The following DCAF4 variants were observed in gnomAD, a reference collection of about 807,000 sequenced individuals.
DCAF4 encodes DDB1 and CUL4 associated factor 4.
A neutral mutation model predicts 60.9 loss-of-function variants in DCAF4; 37 were observed. The ratio of observed to expected loss-of-function variants is 0.61; its 90% CI spans 0.47 to 0.80. The LOEUF is 0.80. DCAF4 is among the 30% of genes least tolerant of loss of function. The probability of loss-of-function intolerance (pLI) is 0.00; values close to 1 mark genes in which losing one functional copy is unlikely to be tolerated. For synonymous variants in DCAF4, 243 were observed against 254.8 expected (o/e 0.95, Z 0.44); for missense variants, 577 against 650.0 (o/e 0.89, Z 1.22).
chr14:72,946,322 C>G (rs569808885), intron 7 of DCAF4, among the ~76,000 whole-genome samples: 2 of 151,986 alleles, frequency 1.3e-5, no homozygotes, highest in East Asian at 3.9e-4. Flanking sequence ...GGAAGATCAC[C>G]TGAGCCCAGG....
chr14:72,954,598 G>A (rs1892029172), intron 11 of DCAF4, 115 bp downstream of exon 11: 1 of 972,572 alleles, frequency 1.0e-6, no homozygotes, highest in Non-Finnish European at 1.6e-6. Flanking sequence ...GGGAGAAAGA[G>A]CATCAGAAAG....
intron 8 of DCAF4, among the ~76,000 whole-genome samples, chr14:72,949,648 G>T (rs929086461): frequency 6.6e-6 from 1 of 151,942 alleles, no homozygotes; most frequent in Non-Finnish European, 1.5e-5. Flanking sequence ...CCAGCTATTC[G>T]GGAAGTTGAG....
chr14:72,929,749 G>C (rs775001157), intron 1 of DCAF4: 17 of 1,033,034 alleles, frequency 1.6e-5, no homozygotes, highest in Non-Finnish European at 2.4e-5. Context: ...AAGACCTTCA[G>C]TGACTCCATG....
At chr14:72,941,592 T>G (rs754993892) in intron 4 of DCAF4, among the ~76,000 whole-genome samples, 153 bp from the exon 5 acceptor site, 3 of 149,042 alleles carry the variant, frequency 2.0e-5, no homozygotes, top group Non-Finnish European at 4.5e-5. Context: ...GAAGGGAGAC[T>G]TGGAAAGGAC....
At chr14:72,932,299 T>C (rs534144922) in intron 1 of DCAF4, among the ~76,000 whole-genome samples, 2 of 152,348 alleles carry the variant, frequency 1.3e-5, no homozygotes, top group African/African-American at 4.8e-5. Context: ...CCTTGACCTA[T>C]ATTTTTCTTC....
chr14:72,940,454 C>A (rs545969923), intron 4 of DCAF4, 77 bp downstream of exon 4: 81 of 1,454,778 alleles, frequency 5.6e-5, no homozygotes, highest in Non-Finnish European at 7.1e-5. Context: ...AAAAGGGTGC[C>A]AATTAGATGC....
In DCAF4 at chr14:72,951,814, C is replaced by T. The variant is rs767937789; in HGVS notation, c.745C>T (p.Leu249Phe). Reference protein sequence around the residue: ...DSHILLCLMGLAETPGCATLL... With the variant: ...DSHILLCLMGFAETPGCATLL... ...TTTTTCCAGGCTATGCCTCATGGGA[C>T]TCGCAGAGACTCCAGGCTGTGCCAC... is the stretch of plus-strand genomic sequence containing the variant. The change falls in exon 9 of 14, where the codon CTC becomes TTC. Residue 249 changes from leucine (L) to phenylalanine (F), a missense_variant. By Grantham distance (22) the Leu-to-Phe change is conservative. Coordinates refer to ENST00000358377, the MANE Select transcript of DCAF4 (RefSeq NM_015604.4). 5 of 1,614,034 alleles carry T rather than the reference C, an allele frequency of 3.1e-6. No individual in the cohort carries two copies. The highest frequency in any genetic ancestry group is 1.7e-5 in the Admixed American group (1 of 60,008).
intron 8 of DCAF4, 136 bp downstream of exon 8, chr14:72,947,327 G>GAAAAAA: frequency 9.7e-7 from 1 of 1,033,748 alleles, no homozygotes; most frequent in African/African-American, 1.6e-5. Context: ...TCACGCTTTA[G>GAAAAAA]AAAAAAAAGC....
chr14:72,944,853 C>T (rs1040668491), intron 6 of DCAF4, among the ~76,000 whole-genome samples: 8 of 152,074 alleles, frequency 5.3e-5, no homozygotes, highest in African/African-American at 1.9e-4. Flanking sequence ...CTTTGGGAGG[C>T]TGAGATGGGA....
At chr14:72,961,791 A>G (rs540261182), downstream of DCAF4, 527 of 1,010,498 alleles carry the variant, frequency 5.2e-4, 5 homozygotes, top group South Asian at 3.5e-3. Context: ...ACCCAGGGGA[A>G]TGGGGAAGCC....
chr14:72,941,679 CA>C, intron 4 of DCAF4, 65 bp from the exon 5 acceptor site: 1 of 1,482,470 alleles, frequency 6.7e-7, no homozygotes, highest in Non-Finnish European at 9.4e-7. Flanking sequence ...GAACTAAAAA[CA>C]TTCTCCATCA....
downstream of DCAF4, among the ~76,000 whole-genome samples, chr14:72,961,668 A>G (rs1305773727): frequency 2.0e-5 from 3 of 152,032 alleles, no homozygotes; most frequent in Admixed American, 6.6e-5. Flanking sequence ...CTGTCCCTCA[A>G]CCTCACCAGC....
chr14:72,949,447 C>A (rs1891137635), intron 8 of DCAF4, among the ~76,000 whole-genome samples: 1 of 152,002 alleles, frequency 6.6e-6, no homozygotes, highest in Non-Finnish European at 1.5e-5. Context: ...AAGAGAGAGA[C>A]CCTGTCTCTT....
At chr14:72,940,593 T>TTG in intron 4 of DCAF4, 11 of 379,494 alleles carry the variant, frequency 2.9e-5, no homozygotes, top group African/African-American at 2.2e-5. Context: ...GATAAGTTGT[T>TTG]TTTTTTTTTT....
At chr14:72,940,442 T>C in intron 4 of DCAF4, 65 bp downstream of exon 4, 1 of 1,515,158 alleles carries the variant, frequency 6.6e-7, no homozygotes, top group Non-Finnish European at 8.8e-7. Context: ...CATCCACTGT[T>C]GAAAAGGGTG....
At chr14:72,944,338 TGAGTA>T (rs2140252703) in intron 6 of DCAF4, among the ~76,000 whole-genome samples, 1 of 152,330 alleles carries the variant, frequency 6.6e-6, no homozygotes, top group East Asian at 1.9e-4. Context: ...AACTTCTTCC[TGAGTA>T]AACTTACAAC....
At chr14:72,943,535 G>A (rs529692176) in intron 6 of DCAF4, among the ~76,000 whole-genome samples, 2 of 152,190 alleles carry the variant, frequency 1.3e-5, no homozygotes, top group African/African-American at 4.8e-5. Flanking sequence ...CTTGCTTGCC[G>A]CCCCTGGCTT....
chr14:72,954,541 A>G (rs1892017244), intron 11 of DCAF4, 58 bp downstream of exon 11: 1 of 1,554,214 alleles, frequency 6.4e-7, no homozygotes, highest in Non-Finnish European at 8.8e-7. Flanking sequence ...AAATTTGGCC[A>G]GATTGAAATT....
At chr14:72,929,092 T>G (rs972029298) in intron 1 of DCAF4, among the ~76,000 whole-genome samples, 3 of 152,206 alleles carry the variant, frequency 2.0e-5, no homozygotes, top group African/African-American at 7.2e-5. Flanking sequence ...CCGGGGCTGC[T>G]CCCTACTGGG....
Sources: allele counts gnomAD v4.1 joint callset (sites outside exome capture counted in the v4.1 genomes callset), GRCh38; gene constraint gnomAD v4.1.1; transcripts MANE v1.5; gene names NCBI Gene and HGNC (gene_info 2026-07-23, HGNC 2026-07-21).